The following COL24A1 variants were observed in gnomAD, a reference collection of about 807,000 sequenced individuals.
COL24A1 encodes collagen type XXIV alpha 1 chain, also known as collagen alpha-1(XXIV) chain.
Under a neutral mutation model 253.9 loss-of-function variants are expected in COL24A1, and 224 were observed. That is an observed-to-expected ratio of 0.88 (90% CI 0.79 to 0.99). COL24A1 has a LOEUF of 0.99. COL24A1 is among the 50% of genes least tolerant of loss of function. The pLI is 0.00. For missense variants in COL24A1, 2,131 were observed against 2,068.5 expected (o/e 1.03, Z -0.59); for synonymous variants, 685 against 673.7 (o/e 1.02, Z -0.26).
chr1:86,088,426 T>C (rs1389898398), intron 7 of COL24A1, among the ~76,000 whole-genome samples: 3 of 152,194 alleles, frequency 2.0e-5, no homozygotes, highest in African/African-American at 7.2e-5. Context: ...AATTTTTTAT[T>C]TTCCTCATTC....
chr1:85,932,557 T>C (rs935038643), intron 24 of COL24A1, among the ~76,000 whole-genome samples: 3 of 103,978 alleles, frequency 2.9e-5, no homozygotes, highest in African/African-American at 1.2e-4. Flanking sequence ...GAACTAGAAA[T>C]ACCATTTGAC....
In COL24A1 at chr1:85,889,547, A is replaced by C; in HGVS notation, c.2976+13T>G. 6.2e-7 allele frequency: 1 copy of C among 1,606,976 alleles called. No homozygotes were observed. The highest frequency in any genetic ancestry group is 8.5e-7 in the Non-Finnish European group (1 of 1,173,780). On this transcript the variant is annotated intron_variant, in intron 32 of 59. Coordinates refer to ENST00000370571, the MANE Select transcript of COL24A1 (RefSeq NM_152890.7). ...AGAAAGACACAATTAGAAAAGTATA[A>C]AGATAAACTTACTGGCTCTCCTGGA...
intron 37 of COL24A1, among the ~76,000 whole-genome samples, chr1:85,861,633 T>C (rs1679161140): frequency 6.6e-6 from 1 of 152,210 alleles, no homozygotes; most frequent in Admixed American, 6.5e-5. Context: ...CCAGCACTAT[T>C]TGGTGAAAAG....
chr1:85,736,372 C>T (rs921667316), intron 58 of COL24A1: 25 of 456,188 alleles, frequency 5.5e-5, no homozygotes, highest in Non-Finnish European at 1.1e-4. Flanking sequence ...ATTTCCTCTG[C>T]ACAGTTCACA....
chr1:85,989,461 C>A (rs1003442638), intron 19 of COL24A1, among the ~76,000 whole-genome samples: 1 of 152,082 alleles, frequency 6.6e-6, no homozygotes, highest in Non-Finnish European at 1.5e-5. Context: ...TTTCTACAAA[C>A]CTCCCTCCAC....
chr1:85,868,692 G>C, intron 36 of COL24A1, 66 bp from the exon 37 acceptor site: 5 of 1,487,004 alleles, frequency 3.4e-6, no homozygotes, highest in Non-Finnish European at 4.6e-6. Flanking sequence ...ATAATAAACA[G>C]GTTTTTGTCA....
chr1:85,747,574 C>A (rs1218334299), intron 55 of COL24A1, among the ~76,000 whole-genome samples: 1 of 151,862 alleles, frequency 6.6e-6, no homozygotes, highest in East Asian at 1.9e-4. Flanking sequence ...GAAGGGTCAC[C>A]CAGTTTTACA....
intron 19 of COL24A1, among the ~76,000 whole-genome samples, chr1:86,005,477 A>G (rs1695862458): frequency 6.6e-6 from 1 of 152,136 alleles, no homozygotes; most frequent in Non-Finnish European, 1.5e-5. Flanking sequence ...GCCTATTTAA[A>G]TAATTATTGG....
At chr1:85,924,334 T>C (rs1054350608) in intron 24 of COL24A1, among the ~76,000 whole-genome samples, 43 of 152,276 alleles carry the variant, frequency 2.8e-4, no homozygotes, top group Non-Finnish European at 4.9e-4. Context: ...GCCAGCATCA[T>C]CCTGATACGA....
At chr1:85,745,069 A>G (rs1176247941) in intron 56 of COL24A1, among the ~76,000 whole-genome samples, 1 of 151,984 alleles carries the variant, frequency 6.6e-6, no homozygotes, top group East Asian at 1.9e-4. Context: ...TGCTATGTCT[A>G]CTGTATTATG....
chr1:86,086,318 C>CA (rs2101938173), intron 7 of COL24A1, among the ~76,000 whole-genome samples: 1 of 152,202 alleles, frequency 6.6e-6, no homozygotes, highest in African/African-American at 2.4e-5. Flanking sequence ...CCCATAGCCC[C>CA]AAACCCAGCT....
chr1:86,048,449 TATCACAAACTG>T (rs1011308426), intron 11 of COL24A1, among the ~76,000 whole-genome samples: 2 of 152,120 alleles, frequency 1.3e-5, no homozygotes, highest in African/African-American at 4.8e-5. Context: ...AGGGGCCCAA[TATCACAAACTG>T]ATCTTGTGTA....
At chr1:86,000,410 T>A (rs1695284253) in intron 19 of COL24A1, among the ~76,000 whole-genome samples, 1 of 152,228 alleles carries the variant, frequency 6.6e-6, no homozygotes, top group Non-Finnish European at 1.5e-5. Flanking sequence ...AGCAGAAACC[T>A]AATACTTTTT....
chr1:86,104,054 C>A lies in COL24A1; in HGVS notation c.1599+8513G>T, dbSNP rs374693229. On this transcript the variant is annotated intron_variant, in intron 5 of 59. Coordinates refer to ENST00000370571, the MANE Select transcript of COL24A1 (RefSeq NM_152890.7). ...TAGATTTGGTCTCTTTACATGATCC[C>A]CTATTTCTCAGGGGTTTTGTTCATT... Among the ~76,000 whole-genome samples the A allele has an allele frequency of 5.9e-5, 9 of 152,246 alleles. No homozygotes were observed. The South Asian group carries it at 1.9e-3, about 32-fold the overall frequency.
intron 5 of COL24A1, among the ~76,000 whole-genome samples, chr1:86,110,848 G>A (rs77775942): frequency 0.14 from 21,203 of 150,968 alleles, 1,639 homozygotes; most frequent in South Asian, 0.23. Context: ...GGGCTGCCGC[G>A]CGGCCCAAGC....
intron 2 of COL24A1, among the ~76,000 whole-genome samples, chr1:86,143,775 A>C (rs1340653358): frequency 6.6e-6 from 1 of 152,126 alleles, no homozygotes; most frequent in African/African-American, 2.4e-5. Flanking sequence ...TTTGGCCTTT[A>C]AACTTTGTAC....
chr1:85,799,140 C>A (rs1174177373), intron 47 of COL24A1, among the ~76,000 whole-genome samples: 1 of 150,062 alleles, frequency 6.7e-6, no homozygotes, highest in Non-Finnish European at 1.5e-5. Context: ...CAGTTACAGT[C>A]ACATGATCTT....
At chr1:86,003,464 C>T (rs992210695) in intron 19 of COL24A1, among the ~76,000 whole-genome samples, 7 of 152,120 alleles carry the variant, frequency 4.6e-5, no homozygotes, top group African/African-American at 1.4e-4. Context: ...CTTATAACTA[C>T]AGGAATATGT....
At chr1:85,911,913 GATTTCATT>G (rs1412661871) in intron 24 of COL24A1, among the ~76,000 whole-genome samples, 1 of 152,092 alleles carries the variant, frequency 6.6e-6, no homozygotes, top group Non-Finnish European at 1.5e-5. Flanking sequence ...TGGTTGCTAA[GATTTCATT>G]ACTGAGGAAG....
Sources: allele counts gnomAD v4.1 joint callset (sites outside exome capture counted in the v4.1 genomes callset), GRCh38; gene constraint gnomAD v4.1.1; transcripts MANE v1.5; gene names NCBI Gene and HGNC (gene_info 2026-07-23, HGNC 2026-07-21).